FIBCD1: variants seen among roughly 807,000 people sequenced by gnomAD.
FIBCD1 encodes the protein fibrinogen C domain containing 1.
FIBCD1 carries 47 observed loss-of-function variants against 45.1 expected under a neutral mutation model. The observed-to-expected ratio is 1.04, with a 90% CI of 0.82 to 1.33. The LOEUF (loss-of-function observed/expected upper bound fraction) is 1.33, where lower values mean the gene tolerates loss of function less well. Among genes scored for constraint, FIBCD1 ranks in the 40% most tolerant of loss-of-function variants. The pLI is 0.00. For synonymous variants in FIBCD1, 313 were observed against 308.1 expected, an observed-to-expected ratio of 1.02 and a Z score of -0.17; for missense variants, 653 against 682.2, an observed-to-expected ratio of 0.96 and a Z score of 0.48.
intron 5 of FIBCD1, among the ~76,000 whole-genome samples, chr9:130,909,942 G>C (rs902963443): frequency 4.6e-5 from 7 of 152,256 alleles, no homozygotes; most frequent in Non-Finnish European, 8.8e-5. Context: ...TGGCTGGTGA[G>C]AGGTGACAGC....
At chr9:130,938,230 C>G in intron 1 of FIBCD1, 1 of 314,624 alleles carries the variant, frequency 3.2e-6, no homozygotes. Flanking sequence ...GGACACACAG[C>G]GAACTGTAAG....
At chr9:130,934,943 A>G (rs948566618) in intron 1 of FIBCD1, among the ~76,000 whole-genome samples, 5 of 152,162 alleles carry the variant, frequency 3.3e-5, no homozygotes, top group African/African-American at 1.2e-4. Context: ...CCCAGGGAAC[A>G]AGAAGAAAGA....
intron 2 of FIBCD1, 73 bp from the exon 3 acceptor site, chr9:130,924,469 C>T: frequency 7.0e-7 from 1 of 1,428,630 alleles, no homozygotes; most frequent in East Asian, 2.4e-5. Context: ...TAGCAGGTCA[C>T]TGGCCAGAGT....
At chr9:130,908,950 C>G (rs1157803606) in intron 5 of FIBCD1, among the ~76,000 whole-genome samples, 2 of 152,088 alleles carry the variant, frequency 1.3e-5, no homozygotes, top group African/African-American at 4.8e-5. Flanking sequence ...CTTTGGGGCC[C>G]CCGACCCCCC....
In FIBCD1 at chr9:130,915,508, G is replaced by C. The variant is rs113701637; in HGVS notation, c.850-3620C>G. On this transcript the variant is annotated intron_variant, in intron 4 of 6. Transcript: ENST00000372338. ...TCCTGAGGTCAGGAGTTCGAGACCA[G>C]CCTGGCCAACACGGTGAAACCCCGT... Among the ~76,000 whole-genome samples the C allele has an allele frequency of 3.0e-3, 460 of 152,260 alleles. 2 individuals carry two copies. The highest frequency in any genetic ancestry group is 6.4e-3 in the South Asian group (31 of 4,814).
chr9:130,919,819 A>T (rs1588108947), intron 4 of FIBCD1, among the ~76,000 whole-genome samples: 1 of 151,958 alleles, frequency 6.6e-6, no homozygotes. Context: ...TATCATGGCC[A>T]CTCCAAGTCC....
chr9:130,907,666 G>A (rs962074785), intron 5 of FIBCD1, among the ~76,000 whole-genome samples: 20 of 152,172 alleles, frequency 1.3e-4, no homozygotes, highest in African/African-American at 2.4e-4. Context: ...TTGGGAGGCC[G>A]AGACGGGCAG....
Position 130,911,859 on chromosome 9 carries a change from C to T in FIBCD1, c.879G>A (p.Val293=), listed in dbSNP as rs1001176261. ...ACGCATCCCAGCCCCGGAAGAAGTT[C>T]ACGGAGCCGTCCTCCCGGCGCTGAA... The part of the protein sequence containing the change: ...TVFQRREDGS[V]NFFRGWDAYR... Residue 293 remains valine (V), a synonymous_variant, in exon 5 of 7, where the codon GTG becomes GTA. Transcript: ENST00000372338. The T allele has an allele frequency of 1.4e-5, 23 of 1,598,308 alleles. No homozygotes were observed. Among genetic ancestry groups the T allele is most frequent in the Middle Eastern group, 3.4e-4 (2 of 5,958 alleles).
At chr9:130,937,655 C>T (rs1380822233) in intron 1 of FIBCD1, among the ~76,000 whole-genome samples, 1 of 152,208 alleles carries the variant, frequency 6.6e-6, no homozygotes. Context: ...GCCCTATTCT[C>T]TCCTCTCCTT....
At chr9:130,930,393 CATGGGGAGAT>C (rs1832429193) in intron 1 of FIBCD1, among the ~76,000 whole-genome samples, 2 of 139,598 alleles carry the variant, frequency 1.4e-5, no homozygotes, top group Non-Finnish European at 3.1e-5. Flanking sequence ...TGCGGGGAGA[CATGGGGAGAT>C]GCGGGGAGAC....
intron 4 of FIBCD1, among the ~76,000 whole-genome samples, chr9:130,921,982 C>T (rs1406013459): frequency 6.6e-6 from 1 of 152,240 alleles, no homozygotes; most frequent in Non-Finnish European, 1.5e-5. Context: ...GTCCCTCCAC[C>T]GGCCGCCTGT....
chr9:130,937,488 C>T (rs761223749), intron 1 of FIBCD1, among the ~76,000 whole-genome samples: 1 of 152,184 alleles, frequency 6.6e-6, no homozygotes, highest in Non-Finnish European at 1.5e-5. Context: ...CCTTGTGCCA[C>T]GGCAGTGTCA....
At chr9:130,928,384 G>A (rs1407393895) in intron 2 of FIBCD1, among the ~76,000 whole-genome samples, 4 of 152,142 alleles carry the variant, frequency 2.6e-5, no homozygotes, top group Non-Finnish European at 5.9e-5. Flanking sequence ...GAGTGAGGTG[G>A]GGGTCCCAGG....
chr9:130,940,364 C>T (rs544890766), upstream of FIBCD1, among the ~76,000 whole-genome samples: 3 of 152,350 alleles, frequency 2.0e-5, no homozygotes, highest in East Asian at 1.9e-4. Context: ...ACCTACGGCC[C>T]GATCCCGGCT....
rs201660431 is a variant in FIBCD1 at position 130,905,323 on chromosome 9, C to A, written c.1037G>T (p.Arg346Leu). Residue 346 changes from arginine to leucine, a missense_variant, in exon 6 of 7, where the codon CGC becomes CTC. By Grantham distance (102) the Arg-to-Leu change is moderately radical. Coordinates refer to ENST00000372338, the MANE Select transcript of FIBCD1 (RefSeq NM_032843.5). The part of the protein sequence containing the change: ...EDFENGTAYA[R>L]YGSFGVGLFS... ...CAAGCCCACGCCGAAGCTCCCGTAG[C>A]GGGCATAGGCCGTGCCATTCTCAAA... The A allele has an allele frequency of 1.1e-5, 17 of 1,613,996 alleles. No individual in the cohort carries two copies. Among genetic ancestry groups the A allele is most frequent in the Non-Finnish European group, 1.4e-5 (17 of 1,179,986 alleles).
chr9:130,912,807 G>A lies in FIBCD1; in HGVS notation c.850-919C>T, dbSNP rs75912714. 9.1e-3 allele frequency among the ~76,000 whole-genome samples: 993 copies of A among 108,586 alleles called. 7 individuals are homozygous for A. Among genetic ancestry groups the A allele is most frequent in the African/African-American group, 0.048 (890 of 18,676 alleles). 71.2% of individuals were successfully genotyped at this position (108,586 alleles called of 152,430 possible). A position where few individuals can be genotyped will look rare whatever the true frequency, so the allele number is the denominator to read the frequency against. On this transcript the variant is annotated intron_variant, in intron 4 of 6. Transcript: ENST00000372338. ...CGGTTTCCCCAATGGTCAAAGAAAG[G>A]GGGGGCAGAGTCTTAATCTTTTTCC...
intron 1 of FIBCD1, among the ~76,000 whole-genome samples, chr9:130,931,073 A>G (rs1232645448): frequency 6.6e-6 from 1 of 152,004 alleles, no homozygotes; most frequent in African/African-American, 2.4e-5. Context: ...ATCTCTTCAC[A>G]GAGCAGGCCC....
chr9:130,928,501 C>T (rs1832392490), intron 2 of FIBCD1, among the ~76,000 whole-genome samples: 1 of 152,238 alleles, frequency 6.6e-6, no homozygotes, highest in South Asian at 2.1e-4. Context: ...ATCCCTCTAC[C>T]CCGGGAGGGG....
At chr9:130,910,129 G>A (rs893994838) in intron 5 of FIBCD1, among the ~76,000 whole-genome samples, 24 of 152,216 alleles carry the variant, frequency 1.6e-4, no homozygotes, top group Non-Finnish European at 3.2e-4. Context: ...AGGGAGAGGC[G>A]CGAGCGGGAA....
Sources: allele counts gnomAD v4.1 joint callset (sites outside exome capture counted in the v4.1 genomes callset), GRCh38; gene constraint gnomAD v4.1.1; transcripts MANE v1.5; gene names NCBI Gene and HGNC (gene_info 2026-07-23, HGNC 2026-07-21).